Variants in TMEM225 observed in about 807,000 individuals in gnomAD.
TMEM225 encodes PMP22 claudin domain-containing protein.
In TMEM225, 10 loss-of-function variants were observed where a neutral mutation model predicts 17.6. The observed-to-expected ratio is 0.57, with a 90% CI of 0.35 to 0.96. The LOEUF (loss-of-function observed/expected upper bound fraction) is 0.96. Ranked by LOEUF, TMEM225 falls within the 40% of genes least tolerant of loss-of-function variation. The probability of loss-of-function intolerance (pLI) is 0.02; values close to 1 mark genes in which losing one functional copy is unlikely to be tolerated. For synonymous variants in TMEM225, 101 were observed against 94.5 expected, an observed-to-expected ratio of 1.07 and a Z score of -0.40; for missense variants, 245 against 271.5, an observed-to-expected ratio of 0.90 and a Z score of 0.69.
chr11:123,884,754 A>G (rs1394512794), intron 1 of TMEM225, 118 bp from the exon 2 acceptor site: 2 of 993,178 alleles, frequency 2.0e-6, no homozygotes, highest in South Asian at 3.9e-5. Flanking sequence ...TGATTAAACA[A>G]TAAGAAAGAA....
At chr11:123,884,447 A>G (rs1565564174) in intron 2 of TMEM225, 43 bp downstream of exon 2, 1 of 1,566,672 alleles carries the variant, frequency 6.4e-7, no homozygotes, top group African/African-American at 1.4e-5. Flanking sequence ...CCCACCCATC[A>G]AAGTACACCT....
At position 123,884,222 on chromosome 11, in the gene TMEM225, CAAAAAAAAAAAA is replaced by C; in HGVS notation, c.329-25_329-14del. 1.6e-6 allele frequency: 2 copies of C among 1,230,852 alleles called. No individual in the cohort carries two copies. The highest frequency in any genetic ancestry group is 2.0e-6 in the Non-Finnish European group (2 of 977,798). The allele number at this position is 1,230,852 out of a possible 1,614,324, so 76.2% of individuals were successfully genotyped here. A position where few individuals can be genotyped will look rare whatever the true frequency, so the allele number is the denominator to read the frequency against. ...AGCAGAGAGATACCTGATGTCCAGA[CAAAAAAAAAAAA>C]AAAAAAAGAAAAAGAAAAAAGTCCC... On this transcript the variant is annotated splice_polypyrimidine_tract_variant and intron_variant, in intron 2 of 3. Transcript: ENST00000375026.
intron 2 of TMEM225, 65 bp from the exon 3 acceptor site, chr11:123,884,274 G>C: frequency 6.7e-7 from 1 of 1,501,448 alleles, no homozygotes; most frequent in Non-Finnish European, 8.8e-7. Context: ...GAGGAACTTT[G>C]GCTCCTTGAT....
chr11:123,883,062 G>T lies in TMEM225; in HGVS notation c.*76C>A. On this transcript the variant is annotated 3_prime_UTR_variant, in exon 4 of 4. Transcript: ENST00000375026. ...CCATAATTCCAAATAGAGACAACAT[G>T]GTTGGAGACACAGCACACACCCACA... is the stretch of plus-strand genomic sequence containing the variant. 8.2e-7 allele frequency: 1 copy of T among 1,215,412 alleles called. No individual in the cohort carries two copies. The highest frequency in any genetic ancestry group is 1.2e-6 in the Non-Finnish European group (1 of 837,220). The allele number at this position is 1,215,412 out of a possible 1,614,324, so 75.3% of individuals were successfully genotyped here. A position where few individuals can be genotyped will look rare whatever the true frequency, so the allele number is the denominator to read the frequency against.
chr11:123,882,931 T>A lies in TMEM225; in HGVS notation c.*207A>T, dbSNP rs1862980081. 1 of 400,962 alleles carries A rather than the reference T, an allele frequency of 2.5e-6. No homozygotes were observed. Among genetic ancestry groups the A allele is most frequent in the Non-Finnish European group, 4.4e-6 (1 of 227,348 alleles). The allele number at this position is 400,962 out of a possible 1,614,324, so 24.8% of individuals were successfully genotyped here. A position where few individuals can be genotyped will look rare whatever the true frequency, so the allele number is the denominator to read the frequency against. On this transcript the variant is annotated 3_prime_UTR_variant, in exon 4 of 4. Coordinates refer to ENST00000375026, the MANE Select transcript of TMEM225 (RefSeq NM_001013743.3). ...AACAATACAGAAAGTATTATTTATA[T>A]GATAATATTTATTATATTAACAACA... is the stretch of plus-strand genomic sequence containing the variant.
Position 123,883,244 on chromosome 11 carries a change from A to G in TMEM225, c.572T>C (p.Ile191Thr). ...CATTGCAGTGCATTCTGGTAATGAA[A>G]TATCTTCGATAGAATTCTCAGATTC... ...CKESENSIED[I>T]SLPECTAMPR... is the part of the protein sequence containing the mutation. Residue 191 changes from isoleucine to threonine, a missense_variant, in exon 4 of 4, where the codon ATT (isoleucine) becomes ACT (threonine). Transcript: ENST00000375026. 6.2e-7 allele frequency: 1 copy of G among 1,613,386 alleles called. No homozygotes were observed. The highest frequency in any genetic ancestry group is 8.5e-7 in the Non-Finnish European group (1 of 1,179,482).
chr11:123,883,208 A>ATGCTACGAGGCAT lies in TMEM225; in HGVS notation c.595_607dup (p.Ile203AsnfsTer4), dbSNP rs1327322379. On this transcript the variant is annotated stop_gained and frameshift_variant, in exon 4 of 4. Transcript: ENST00000375026. LOFTEE classifies it low-confidence loss of function (END_TRUNC). ...GGAATTCACAGTGTGTGCACGGACA[A>ATGCTACGAGGCAT]TGCTACGAGGCATTGCAGTGCATTC... is the stretch of plus-strand genomic sequence containing the variant. The ATGCTACGAGGCAT allele has an allele frequency of 1.9e-6, 3 of 1,613,422 alleles. No individual in the cohort carries two copies. Among genetic ancestry groups the ATGCTACGAGGCAT allele is most frequent in the Non-Finnish European group, 2.5e-6 (3 of 1,179,618 alleles).
chr11:123,883,475 C>A, intron 3 of TMEM225, 123 bp from the exon 4 acceptor site: 1 of 673,182 alleles, frequency 1.5e-6, no homozygotes. Context: ...TACCGAAAGC[C>A]ATCTGGGAGG....
In TMEM225 at chr11:123,884,358, T is replaced by C. The variant is rs928653002; in HGVS notation, c.328+132A>G. On this transcript the variant is annotated intron_variant, in intron 2 of 3. Transcript: ENST00000375026. Reference sequence around the variant, plus strand: ...CAACTACACCTTGCCCAAAGACTGATCCTGATCCTGCTTTTATGGTAGATC... The same window carrying C: ...CAACTACACCTTGCCCAAAGACTGACCCTGATCCTGCTTTTATGGTAGATC... 2.3e-6 allele frequency: 3 copies of C among 1,304,114 alleles called. No homozygotes were observed. In the Admixed American group the frequency reaches 8.3e-5, roughly 36 times the overall value. 80.8% of individuals were successfully genotyped at this position (1,304,114 alleles called of 1,614,324 possible).
At chr11:123,885,169 A>T in intron 1 of TMEM225, 76 bp downstream of exon 1, 2 of 1,327,140 alleles carry the variant, frequency 1.5e-6, no homozygotes, top group Non-Finnish European at 2.1e-6. Flanking sequence ...TGGTGAGATT[A>T]ATGCAAGTTA....
At position 123,885,536 on chromosome 11, in the gene TMEM225, A is replaced by G; in HGVS notation, c.-111T>C. 1.0e-6 allele frequency: 1 copy of G among 977,948 alleles called. No individual in the cohort carries two copies. The highest frequency in any genetic ancestry group is 1.5e-6 in the Non-Finnish European group (1 of 653,970). The allele number at this position is 977,948 out of a possible 1,614,324, so 60.6% of individuals were successfully genotyped here. A position where few individuals can be genotyped will look rare whatever the true frequency, so the allele number is the denominator to read the frequency against. ...CTGAACTTTCAGTGGTTGCTGAGGCATTGGTAACAGCAGAAGCTGAAGTAG... is the reference window on the plus strand; with the variant it reads ...CTGAACTTTCAGTGGTTGCTGAGGCGTTGGTAACAGCAGAAGCTGAAGTAG... On this transcript the variant is annotated 5_prime_UTR_variant, in exon 1 of 4. It removes an upstream start codon present in the reference 5' UTR. Coordinates refer to ENST00000375026, the MANE Select transcript of TMEM225 (RefSeq NM_001013743.3).
At position 123,883,033 on chromosome 11, in the gene TMEM225, C is replaced by T. The variant is rs1862981938; in HGVS notation, c.*105G>A. 3 of 960,264 alleles carry T rather than the reference C, an allele frequency of 3.1e-6. No homozygotes were observed. In the Admixed American group the frequency reaches 7.0e-5, roughly 22 times the overall value. The allele number at this position is 960,264 out of a possible 1,614,324, so 59.5% of individuals were successfully genotyped here. Reference sequence around the variant, plus strand: ...CATCTTCCAGATCTTTTTACAAACCCCAACCATAATTCCAAATAGAGACAA... The same window carrying T: ...CATCTTCCAGATCTTTTTACAAACCTCAACCATAATTCCAAATAGAGACAA... On this transcript the variant is annotated 3_prime_UTR_variant, in exon 4 of 4. Coordinates refer to ENST00000375026, the MANE Select transcript of TMEM225 (RefSeq NM_001013743.3).
chr11:123,885,654 G>A lies in TMEM225; in HGVS notation c.-229C>T. 3.7e-6 allele frequency: 2 copies of A among 538,418 alleles called. No homozygotes were observed. The highest frequency in any genetic ancestry group is 6.6e-6 in the Non-Finnish European group (2 of 305,124). The allele number at this position is 538,418 out of a possible 1,614,324, so 33.4% of individuals were successfully genotyped here. On this transcript the variant is annotated 5_prime_UTR_variant, in exon 1 of 4. Transcript: ENST00000375026. ...GCTGTCAGGACTGCCAACTGCCATGGAATCATCTATTGGTTTGACCCTTGA... is the reference window on the plus strand; with the variant it reads ...GCTGTCAGGACTGCCAACTGCCATGAAATCATCTATTGGTTTGACCCTTGA...
Position 123,883,170 on chromosome 11 carries a change from C to T in TMEM225, c.646G>A (p.Val216Ile). 6.2e-7 allele frequency: 1 copy of T among 1,613,404 alleles called. No individual in the cohort carries two copies. The highest frequency in any genetic ancestry group is 8.5e-7 in the Non-Finnish European group (1 of 1,179,556). Residue 216 changes from valine to isoleucine, a missense_variant, in exon 4 of 4, where the codon GTC (valine) becomes ATC (isoleucine). Transcript: ENST00000375026. ...GCCCAGGTTACGTGACGTGTTTGGA[C>T]TTTTTTGTTTAGGGAATTCACAGTG... ...AHTVNSLNKK[V>I]QTRHVTWAL is the part of the protein sequence containing the mutation.
chr11:123,885,215 A>G (rs766241363), intron 1 of TMEM225, 30 bp downstream of exon 1: 1 of 1,599,732 alleles, frequency 6.3e-7, no homozygotes, highest in South Asian at 1.1e-5. Flanking sequence ...CTTCCTTTCC[A>G]CCCGTCTCTT....
At position 123,884,477 on chromosome 11, in the gene TMEM225, G is replaced by T. The variant is rs371264105; in HGVS notation, c.328+13C>A. The T allele has an allele frequency of 8.1e-6, 13 of 1,605,056 alleles. No homozygotes were observed. The East Asian group carries it at 2.9e-4, about 36-fold the overall frequency. ...ACACCTACAAGCTTGTGTTAGGGGAGCCAGGAAGTTACCTGAGAAGAAACT... is the reference window on the plus strand; with the variant it reads ...ACACCTACAAGCTTGTGTTAGGGGATCCAGGAAGTTACCTGAGAAGAAACT... On this transcript the variant is annotated intron_variant, in intron 2 of 3. Coordinates refer to ENST00000375026, the MANE Select transcript of TMEM225 (RefSeq NM_001013743.3).
At chr11:123,883,604 T>A (rs1862994893) in intron 3 of TMEM225, among the ~76,000 whole-genome samples, 1 of 152,168 alleles carries the variant, frequency 6.6e-6, no homozygotes, top group Non-Finnish European at 1.5e-5. Context: ...TTAGGAAGTG[T>A]AATTACAAAT....
Position 123,885,271 on chromosome 11 carries a change from A to G in TMEM225, c.155T>C (p.Met52Thr), listed in dbSNP as rs1255513742. 1 of 1,613,574 alleles carries G rather than the reference A, an allele frequency of 6.2e-7. No homozygotes were observed. Among genetic ancestry groups the G allele is most frequent in the South Asian group, 1.1e-5 (1 of 91,056 alleles). The change falls in exon 1 of 4, where the codon ATG becomes ACG. Residue 52 changes from methionine (M) to threonine (T), a missense_variant. Physicochemically the swap from Met to Thr is moderately conservative, Grantham distance 81 (BLOSUM62 -1). Transcript: ENST00000375026. The stretch of plus-strand genomic sequence containing the variant: ...TTCTGGCCAAAGAGCAGGGCAACAC[A>G]TCATCCAAGGACTGTGGTTCATCTT... ...RAKMNHSPWM[M>T]CCPALWPEDD...
intron 3 of TMEM225, among the ~76,000 whole-genome samples, 197 bp downstream of exon 3, chr11:123,883,878 G>T (rs192665735): frequency 2.1e-3 from 322 of 152,222 alleles, no homozygotes; most frequent in Admixed American, 3.4e-3. Context: ...CTGAGGCCAG[G>T]CACAGCAGAC....
Sources: allele counts gnomAD v4.1 joint callset (sites outside exome capture counted in the v4.1 genomes callset), GRCh38; gene constraint gnomAD v4.1.1; transcripts MANE v1.5; gene names NCBI Gene and HGNC (gene_info 2026-07-23, HGNC 2026-07-21).